CD300LD: variants seen among roughly 807,000 people sequenced by gnomAD.
CD300LD encodes the protein CD300 molecule like family member d.
CD300LD carries 18 observed loss-of-function variants against 20.3 expected under a neutral mutation model. That is an observed-to-expected ratio of 0.89 (90% CI 0.61 to 1.32). CD300LD has a LOEUF of 1.32. CD300LD is among the 40% of genes most tolerant of loss of function. The pLI is 0.00. For synonymous variants in CD300LD, 104 were observed against 90.1 expected (o/e 1.15, Z -0.87); for missense variants, 195 against 226.6 (o/e 0.86, Z 0.90).
At chr17:74,585,948 G>C (rs1040845027) in intron 2 of CD300LD, among the ~76,000 whole-genome samples, 3 of 152,186 alleles carry the variant, frequency 2.0e-5, no homozygotes, top group Non-Finnish European at 4.4e-5. Context: ...CTGCTTATAA[G>C]CAGTGTGCCT....
At chr17:74,588,134 G>A (rs1358017842) in intron 2 of CD300LD, among the ~76,000 whole-genome samples, 6 of 152,328 alleles carry the variant, frequency 3.9e-5, no homozygotes, top group African/African-American at 1.2e-4. Context: ...GAGTCCCAAG[G>A]TGGCTCCAGG....
intron 2 of CD300LD, among the ~76,000 whole-genome samples, chr17:74,586,759 T>G (rs2030170350): frequency 6.6e-6 from 1 of 152,230 alleles, no homozygotes; most frequent in Non-Finnish European, 1.5e-5. Flanking sequence ...GGATTAATTT[T>G]GGGTAAAAGC....
intron 2 of CD300LD, among the ~76,000 whole-genome samples, chr17:74,585,312 G>A (rs1215318192): frequency 6.6e-6 from 1 of 151,984 alleles, no homozygotes; most frequent in African/African-American, 2.4e-5. Flanking sequence ...CTGTCCTCCT[G>A]CCATTATCTT....
intron 2 of CD300LD, among the ~76,000 whole-genome samples, chr17:74,587,535 G>A (rs968061263): frequency 1.3e-5 from 2 of 152,058 alleles, no homozygotes; most frequent in Non-Finnish European, 2.9e-5. Flanking sequence ...TCATTTCATT[G>A]ATTTTTCCCT....
intron 1 of CD300LD, 90 bp downstream of exon 1, chr17:74,592,073 C>T: frequency 6.2e-7 from 1 of 1,611,902 alleles, no homozygotes; most frequent in Admixed American, 1.7e-5. Context: ...TGTCATTTTC[C>T]CTGACATGTC....
rs777480072 is a variant in CD300LD, at chr17:74,582,216, A to AC, written c.473+1dup. 5.0e-6 allele frequency: 8 copies of AC among 1,613,386 alleles called. No individual in the cohort carries two copies. In the East Asian group the frequency reaches 1.6e-4, roughly 31 times the overall value. On this transcript the variant is annotated splice_donor_variant, in intron 3 of 3. Coordinates refer to ENST00000375352, the MANE Select transcript of CD300LD (RefSeq NM_001115152.2). LOFTEE classifies it high-confidence loss of function. ...AAAGTGGTGGGACCTGGCTCCACCT[A>AC]CCTGGTGAGGGGGCTGCTGGTCTTC...
chr17:74,588,294 C>G (rs566919072), intron 2 of CD300LD, among the ~76,000 whole-genome samples: 1 of 152,304 alleles, frequency 6.6e-6, no homozygotes, highest in African/African-American at 2.4e-5. Context: ...ACCCAGTCAC[C>G]TTTTAAAGGC....
chr17:74,581,262 TA>T (rs376966087), intron 3 of CD300LD, among the ~76,000 whole-genome samples: 26,420 of 139,808 alleles, frequency 0.19, 2,429 homozygotes, highest in African/African-American at 0.24. Flanking sequence ...ATCGAGTGAA[TA>T]AAAAAAAAAA....
chr17:74,591,262 A>AT (rs149944866), intron 1 of CD300LD, among the ~76,000 whole-genome samples: 57,290 of 113,954 alleles, frequency 0.5, 12,411 homozygotes, highest in Non-Finnish European at 0.54. Flanking sequence ...AAAAAAAAAA[A>AT]AATAAAAATA....
intron 1 of CD300LD, among the ~76,000 whole-genome samples, chr17:74,591,290 A>AATAATAATAATAATAATAATC (rs2030312665): frequency 6.7e-6 from 1 of 148,716 alleles, no homozygotes; most frequent in African/African-American, 2.5e-5. Flanking sequence ...TAATAATAAT[A>AATAATAATAATAATAATAATC]ATCTATTTTA....
intron 1 of CD300LD, among the ~76,000 whole-genome samples, chr17:74,591,416 G>A (rs545439178): frequency 4.0e-5 from 6 of 151,874 alleles, no homozygotes; most frequent in South Asian, 2.1e-4. Context: ...AAAACACTAC[G>A]TATCAAAATT....
In CD300LD at chr17:74,583,321, C is replaced by T. The variant is rs141654721; in HGVS notation, c.380-1010G>A. ...AGTCCTAATGCCATCTGACTGGTAT[C>T]GTTCTCTGAAGAGGAGATGAGGACA... On this transcript the variant is annotated intron_variant, in intron 2 of 3. Coordinates refer to ENST00000375352, the MANE Select transcript of CD300LD (RefSeq NM_001115152.2). Among the ~76,000 whole-genome samples the T allele has an allele frequency of 1.2e-4, 18 of 152,286 alleles. No homozygotes were observed. The East Asian group carries it at 3.1e-3, about 26-fold the overall frequency.
At position 74,588,750 on chromosome 17, in the gene CD300LD, G is replaced by A. The variant is rs868497373; in HGVS notation, c.140C>T (p.Thr47Ile). ...VQCAYGSGWETYLKWRCQGAD... is the reference protein window; with the variant it reads ...VQCAYGSGWEIYLKWRCQGAD... ...TCCTTGACACCGCCACTTCAAGTAG[G>A]TCTCCCAGCCTGAGCCATAAGCACA... The change falls in exon 2 of 4, where the codon ACC becomes ATC. Residue 47 changes from threonine (T) to isoleucine (I), a missense_variant. Thr to Ile is a moderately conservative substitution (Grantham distance 89). Transcript: ENST00000375352. The A allele has an allele frequency of 3.1e-6, 5 of 1,613,996 alleles. No homozygotes were observed. Among genetic ancestry groups the A allele is most frequent in the African/African-American group, 1.3e-5 (1 of 74,888 alleles).
rs1194428980 is a variant in CD300LD at position 74,579,667 on chromosome 17, T to G, written c.*335A>C. On this transcript the variant is annotated 3_prime_UTR_variant, in exon 4 of 4. Coordinates refer to ENST00000375352, the MANE Select transcript of CD300LD (RefSeq NM_001115152.2). ...TGGGAGGCGAAGCGGGAGGATCTCT[T>G]GAGGTCAAGAGTTCGAGACCAGCCT... The G allele has an allele frequency of 5.6e-6, 1 of 179,742 alleles. No individual in the cohort carries two copies. The highest frequency in any genetic ancestry group is 1.2e-5 in the Non-Finnish European group (1 of 84,544). 11.1% of individuals were successfully genotyped at this position (179,742 alleles called of 1,614,324 possible).
chr17:74,581,150 A>G (rs2030025869), intron 3 of CD300LD, among the ~76,000 whole-genome samples: 1 of 151,968 alleles, frequency 6.6e-6, no homozygotes, highest in Non-Finnish European at 1.5e-5. Context: ...AGTTTGCACA[A>G]AAGCATGGAG....
rs186097394 is a variant in CD300LD, at chr17:74,580,838, G to A, written c.474-725C>T. On this transcript the variant is annotated intron_variant, in intron 3 of 3. Transcript: ENST00000375352. ...CCCAGCACTTTGGGAGGCCAAGGCAGGTGGATTGCTTGAGCCCAAGAGTTC... is the reference window on the plus strand; with the variant it reads ...CCCAGCACTTTGGGAGGCCAAGGCAAGTGGATTGCTTGAGCCCAAGAGTTC... Among the ~76,000 whole-genome samples the A allele has an allele frequency of 9.2e-5, 14 of 151,508 alleles. 1 individual carries two copies. In the East Asian group the frequency reaches 2.1e-3, roughly 23 times the overall value.
intron 2 of CD300LD, among the ~76,000 whole-genome samples, chr17:74,582,578 G>A (rs138971477): frequency 2.0e-4 from 31 of 152,330 alleles, no homozygotes; most frequent in African/African-American, 3.8e-4. Flanking sequence ...ATAGCATTCC[G>A]CTCTCCTCGG....
intron 1 of CD300LD, among the ~76,000 whole-genome samples, chr17:74,589,727 G>T (rs1432871948): frequency 6.6e-6 from 1 of 152,208 alleles, no homozygotes; most frequent in East Asian, 1.9e-4. Context: ...CTGACCTAAA[G>T]GGAGACCCAT....
chr17:74,581,626 G>T (rs1471072824), intron 3 of CD300LD, among the ~76,000 whole-genome samples: 1 of 152,224 alleles, frequency 6.6e-6, no homozygotes, highest in Non-Finnish European at 1.5e-5. Flanking sequence ...GGGAGAGAGA[G>T]GCTGGAACAA....
Sources: gnomAD v4.1 joint callset for allele counts (sites outside exome capture counted in the v4.1 genomes callset) on GRCh38, gnomAD v4.1.1 for gene constraint, MANE v1.5 for transcripts, NCBI Gene and HGNC (gene_info 2026-07-23, HGNC 2026-07-21) for gene names.